CLSTN2: variants seen among roughly 807,000 people sequenced by gnomAD.
CLSTN2 encodes the protein calsyntenin-2.
Under a neutral mutation model 101.2 loss-of-function variants are expected in CLSTN2, and 48 were observed. The observed-to-expected ratio is 0.47, with a 90% CI of 0.38 to 0.60. The LOEUF is 0.60. Ranked by LOEUF, CLSTN2 falls within the 20% of genes least tolerant of loss-of-function variation. CLSTN2 has a pLI of 0.00. For missense variants in CLSTN2, 1,160 were observed against 1,238.2 expected, an observed-to-expected ratio of 0.94 and a Z score of 0.95; for synonymous variants, 481 against 463.6, an observed-to-expected ratio of 1.04 and a Z score of -0.48.
chr3:140,365,888 C>T (rs903159039), intron 2 of CLSTN2, among the ~76,000 whole-genome samples: 12 of 152,208 alleles, frequency 7.9e-5, no homozygotes, highest in African/African-American at 2.4e-4. Context: ...ACCCCACACC[C>T]TGAGCTTGCA....
chr3:140,020,717 CTG>C, intron 1 of CLSTN2, among the ~76,000 whole-genome samples: 1 of 152,320 alleles, frequency 6.6e-6, no homozygotes, highest in African/African-American at 2.4e-5. Flanking sequence ...AGGCAGGACT[CTG>C]ACACCAGGGT....
chr3:140,022,851 CAG>C (rs1478764598), intron 1 of CLSTN2, among the ~76,000 whole-genome samples: 1 of 152,190 alleles, frequency 6.6e-6, no homozygotes, highest in African/African-American at 2.4e-5. Context: ...GGCCCAGAAT[CAG>C]ATGTTCTGAA....
chr3:140,511,636 G>A (rs2107768273), intron 8 of CLSTN2, among the ~76,000 whole-genome samples: 1 of 139,330 alleles, frequency 7.2e-6, no homozygotes, highest in South Asian at 2.3e-4. Flanking sequence ...TGCAAGCTCT[G>A]CCTCCCGGGT....
At chr3:140,410,120 A>C (rs2088346714) in intron 4 of CLSTN2, among the ~76,000 whole-genome samples, 1 of 152,084 alleles carries the variant, frequency 6.6e-6, no homozygotes, top group Admixed American at 6.5e-5. Context: ...AGAGGTAGAA[A>C]GCTTATTTAA....
intron 2 of CLSTN2, among the ~76,000 whole-genome samples, chr3:140,203,408 C>T (rs1327591855): frequency 8.6e-6 from 1 of 115,660 alleles, no homozygotes; most frequent in Non-Finnish European, 1.7e-5. Context: ...CAAAGGATAA[C>T]AAAGAAATAG....
Position 140,404,648 on chromosome 3 carries a change from G to A in CLSTN2, c.519G>A (p.Lys173=), listed in dbSNP as rs752679740. The A allele has an allele frequency of 1.2e-6, 2 of 1,614,206 alleles. No individual in the cohort carries two copies. Among genetic ancestry groups the A allele is most frequent in the South Asian group, 2.2e-5 (2 of 91,080 alleles). ...PAYKAVVTEG[K]IYDSILQVEA... Reference sequence around the variant, plus strand: ...ACAAGGCTGTTGTGACGGAGGGCAAGATCTATGACAGCATTCTGCAGGTGG... The same window carrying A: ...ACAAGGCTGTTGTGACGGAGGGCAAAATCTATGACAGCATTCTGCAGGTGG... The change falls in exon 4 of 17, where the codon AAG becomes AAA. Residue 173 remains lysine, a synonymous_variant. Transcript: ENST00000458420.
At chr3:140,552,849 T>C (rs914555511) in intron 10 of CLSTN2, among the ~76,000 whole-genome samples, 3 of 152,152 alleles carry the variant, frequency 2.0e-5, no homozygotes, top group Non-Finnish European at 2.9e-5. Context: ...GACTCTGCTA[T>C]AGGAGGATGG....
chr3:140,382,125 T>G (rs2087992374), intron 2 of CLSTN2, among the ~76,000 whole-genome samples: 1 of 152,230 alleles, frequency 6.6e-6, no homozygotes, highest in South Asian at 2.1e-4. Flanking sequence ...AATTTCTTAT[T>G]ATTTTTTGCT....
chr3:139,993,292 T>A (rs569492396), intron 1 of CLSTN2, among the ~76,000 whole-genome samples: 1 of 152,300 alleles, frequency 6.6e-6, no homozygotes, highest in South Asian at 2.1e-4. Context: ...CTGCAGAGGT[T>A]CTAGCACTGG....
At chr3:140,092,585 G>A (rs1028393306) in intron 1 of CLSTN2, among the ~76,000 whole-genome samples, 1 of 152,162 alleles carries the variant, frequency 6.6e-6, no homozygotes, top group South Asian at 2.1e-4. Flanking sequence ...CAGCCACTGC[G>A]GGGTGTGCCG....
rs753793071 is a variant in CLSTN2 at position 140,448,631 on chromosome 3, G to A, written c.900G>A (p.Glu300=). The A allele has an allele frequency of 6.2e-7, 1 of 1,614,146 alleles. No individual in the cohort carries two copies. The highest frequency in any genetic ancestry group is 1.7e-5 in the Admixed American group (1 of 60,024). The change falls in exon 6 of 17, where the codon GAG becomes GAA. Residue 300 remains glutamate (E), a synonymous_variant. Coordinates refer to ENST00000458420, the MANE Select transcript of CLSTN2 (RefSeq NM_022131.3). ...TGTCTTCCCTCCAGATCGTCACAGA[G>A]CTGCAGACTAATTACATTGGGAAGG... ...GAVSSLQIVT[E]LQTNYIGKGC...
intron 1 of CLSTN2, among the ~76,000 whole-genome samples, chr3:140,028,402 C>G (rs552017900): frequency 6.6e-6 from 1 of 152,228 alleles, no homozygotes; most frequent in East Asian, 1.9e-4. Flanking sequence ...CTCCCAAACA[C>G]CAGGGCACCT....
At chr3:140,030,710 T>C (rs1560074428) in intron 1 of CLSTN2, among the ~76,000 whole-genome samples, 1 of 152,214 alleles carries the variant, frequency 6.6e-6, no homozygotes, top group Non-Finnish European at 1.5e-5. Context: ...AAGATAGTTC[T>C]AATACTTCGT....
chr3:139,987,230 A>C (rs367665418), intron 1 of CLSTN2, among the ~76,000 whole-genome samples: 7 of 152,364 alleles, frequency 4.6e-5, no homozygotes, highest in Admixed American at 2.6e-4. Context: ...AGGCCCTTAC[A>C]AACTTCTGGT....
chr3:140,016,476 A>C (rs984091182), intron 1 of CLSTN2, among the ~76,000 whole-genome samples: 6 of 152,156 alleles, frequency 3.9e-5, no homozygotes, highest in African/African-American at 1.2e-4. Flanking sequence ...TGAATATATT[A>C]GAATATTTTT....
chr3:140,500,011 G>T (rs1463970684), intron 8 of CLSTN2, among the ~76,000 whole-genome samples: 1 of 151,866 alleles, frequency 6.6e-6, no homozygotes, highest in Admixed American at 6.6e-5. Flanking sequence ...AGATTGCAGT[G>T]AGCCGAGATC....
Position 140,558,883 on chromosome 3 carries a change from G to T in CLSTN2, c.2041+26G>T, listed in dbSNP as rs200634671. 172 of 1,596,216 alleles carry T rather than the reference G, an allele frequency of 1.1e-4. 1 individual carries two copies. The Admixed American group carries it at 2.9e-3, about 27-fold the overall frequency. On this transcript the variant is annotated intron_variant, in intron 12 of 16. Coordinates refer to ENST00000458420, the MANE Select transcript of CLSTN2 (RefSeq NM_022131.3). Reference sequence around the variant, plus strand: ...GTACAGGTGCATTTGAGTTTGTGGGGAGGGTGGACCTTAATTTTTTACAGC... The same window carrying T: ...GTACAGGTGCATTTGAGTTTGTGGGTAGGGTGGACCTTAATTTTTTACAGC...
intron 2 of CLSTN2, among the ~76,000 whole-genome samples, chr3:140,252,343 G>A (rs1374938089): frequency 6.6e-6 from 1 of 152,136 alleles, no homozygotes; most frequent in East Asian, 1.9e-4. Context: ...TGAGGGTCCT[G>A]AACTAGCACT....
At chr3:140,007,068 G>A (rs2006973365) in intron 1 of CLSTN2, among the ~76,000 whole-genome samples, 1 of 152,122 alleles carries the variant, frequency 6.6e-6, no homozygotes, top group Non-Finnish European at 1.5e-5. Flanking sequence ...ATGTCACTGA[G>A]GGTGATGAAT....
Sources: allele counts gnomAD v4.1 joint callset (sites outside exome capture counted in the v4.1 genomes callset), GRCh38; gene constraint gnomAD v4.1.1; transcripts MANE v1.5; gene names NCBI Gene and HGNC (gene_info 2026-07-23, HGNC 2026-07-21).